SPMAP2L: variants seen among roughly 807,000 people sequenced by gnomAD.
The protein encoded by SPMAP2L is sperm microtubule associated protein 2 like.
the SPMAP2L span, among the ~76,000 whole-genome samples, chr4:56,580,425 A>T: frequency 6.6e-6 from 1 of 152,202 alleles, no homozygotes; most frequent in Non-Finnish European, 1.5e-5. Context: ...AATTCAAGAT[A>T]CTTTTATGAT....
At chr4:56,593,571 C>T in the SPMAP2L span, 529 of 1,601,834 alleles carry the variant, frequency 3.3e-4, 5 homozygotes, top group East Asian at 0.01. Context: ...TTGAGGCCAC[C>T]GGGAGAATTT....
chr4:56,584,023 G>C, the SPMAP2L span, among the ~76,000 whole-genome samples: 1 of 151,662 alleles, frequency 6.6e-6, no homozygotes, highest in African/African-American at 2.4e-5. Flanking sequence ...CTGGAGTGCA[G>C]TGGTGCAATC....
chr4:56,624,872 C>T, the SPMAP2L span, among the ~76,000 whole-genome samples: 3 of 152,192 alleles, frequency 2.0e-5, no homozygotes, highest in Admixed American at 6.5e-5. Context: ...TCAGAGCCCC[C>T]ACACAGAGTC....
chr4:56,614,639 G>A, the SPMAP2L span, among the ~76,000 whole-genome samples: 1 of 152,028 alleles, frequency 6.6e-6, no homozygotes, highest in African/African-American at 2.4e-5. Context: ...GGGCGACAGA[G>A]CGAGATCCGT....
chr4:56,552,708 A>G, the SPMAP2L span: 1 of 729,940 alleles, frequency 1.4e-6, no homozygotes, highest in Admixed American at 2.1e-5. Context: ...ACTTAACTAG[A>G]TCCTCTGAAC....
the SPMAP2L span, among the ~76,000 whole-genome samples, chr4:56,611,568 C>T: frequency 2.6e-5 from 4 of 152,078 alleles, no homozygotes; most frequent in South Asian, 2.1e-4. Flanking sequence ...TCCCCAATAA[C>T]CTATGGAATT....
At chr4:56,595,202 G>A in the SPMAP2L span, 1 of 1,611,660 alleles carries the variant, frequency 6.2e-7, no homozygotes, top group Admixed American at 1.7e-5. Context: ...AAACACTACA[G>A]AATTCTTTTC....
At chr4:56,624,229 G>C in the SPMAP2L span, among the ~76,000 whole-genome samples, 2 of 152,180 alleles carry the variant, frequency 1.3e-5, no homozygotes, top group African/African-American at 4.8e-5. Flanking sequence ...AGATGATTTA[G>C]AGCATCTGGC....
the SPMAP2L span, among the ~76,000 whole-genome samples, chr4:56,605,928 G>C: frequency 6.6e-6 from 1 of 152,130 alleles, no homozygotes; most frequent in Non-Finnish European, 1.5e-5. Context: ...TGTCTTTTAA[G>C]TTGTTTATCA....
At chr4:56,575,468 T>G in the SPMAP2L span, 1 of 1,531,390 alleles carries the variant, frequency 6.5e-7, no homozygotes, top group Non-Finnish European at 8.7e-7. Context: ...AAATCATGCT[T>G]GTTTCGTTTA....
chr4:56,615,883 C>T, the SPMAP2L span, among the ~76,000 whole-genome samples: 1 of 152,134 alleles, frequency 6.6e-6, no homozygotes, highest in Non-Finnish European at 1.5e-5. Flanking sequence ...AAAAGTTGCC[C>T]AGGTGACCCT....
the SPMAP2L span, among the ~76,000 whole-genome samples, chr4:56,597,781 C>T: frequency 2.0e-5 from 3 of 152,136 alleles, no homozygotes; most frequent in East Asian, 5.8e-4. Context: ...CAAATCTGCA[C>T]CAGTGCAATG....
the SPMAP2L span, among the ~76,000 whole-genome samples, chr4:56,601,486 C>T: frequency 3.3e-5 from 5 of 152,030 alleles, no homozygotes; most frequent in Non-Finnish European, 5.9e-5. Context: ...TGGCCAGGCA[C>T]GGTGGCTCAT....
chr4:56,591,844 C>G, the SPMAP2L span, among the ~76,000 whole-genome samples: 1 of 152,106 alleles, frequency 6.6e-6, no homozygotes, highest in Admixed American at 6.6e-5. Context: ...GCTTTGGCTT[C>G]TTTTTCTTAT....
chr4:56,619,443 T>C, the SPMAP2L span, among the ~76,000 whole-genome samples: 1 of 152,332 alleles, frequency 6.6e-6, no homozygotes, highest in East Asian at 1.9e-4. Context: ...TTTGATTCTA[T>C]GAATTTGACT....
At chr4:56,543,929 TGAGAGA>T in the SPMAP2L span, among the ~76,000 whole-genome samples, 15 of 131,420 alleles carry the variant, frequency 1.1e-4, no homozygotes, top group Admixed American at 3.0e-4. Context: ...TGTGTGTATG[TGAGAGA>T]GAGAGAGAGA....
the SPMAP2L span, among the ~76,000 whole-genome samples, chr4:56,535,155 A>G: frequency 6.6e-6 from 1 of 152,150 alleles, no homozygotes; most frequent in Non-Finnish European, 1.5e-5. Flanking sequence ...TTTGAGCTAT[A>G]TCCTGACTAT....
At chr4:56,559,822 C>T in the SPMAP2L span, among the ~76,000 whole-genome samples, 1 of 152,190 alleles carries the variant, frequency 6.6e-6, no homozygotes, top group African/African-American at 2.4e-5. Flanking sequence ...CTGCCTTGGC[C>T]TCCCAAAGTG....
the SPMAP2L span, chr4:56,593,031 G>A: frequency 6.3e-7 from 1 of 1,595,674 alleles, no homozygotes; most frequent in Non-Finnish European, 8.6e-7. Flanking sequence ...GCCATTTCAA[G>A]CAAAAACCAG....
Sources: allele counts gnomAD v4.1 joint callset (sites outside exome capture counted in the v4.1 genomes callset), GRCh38; gene constraint gnomAD v4.1.1; transcripts MANE v1.5; gene names NCBI Gene and HGNC (gene_info 2026-07-23, HGNC 2026-07-21).